The following WDPCP variants were observed in gnomAD, a reference collection of about 807,000 sequenced individuals.
The protein encoded by WDPCP is WD repeat-containing and planar cell polarity effector protein fritz homolog.
A neutral mutation model predicts 93.1 loss-of-function variants in WDPCP; 71 were observed. The observed-to-expected ratio is 0.76, with a 90% confidence interval of 0.63 to 0.93. WDPCP has a LOEUF of 0.93. Ranked by LOEUF, WDPCP falls within the 40% of genes least tolerant of loss-of-function variation. WDPCP has a pLI of 0.00. For synonymous variants in WDPCP, 315 were observed against 315.0 expected (o/e 1.00, Z 0.00); for missense variants, 844 against 887.4 (o/e 0.95, Z 0.62).
At chr2:63,679,598 G>A (rs570165054) in intron 2 of WDPCP, among the ~76,000 whole-genome samples, 68 of 152,248 alleles carry the variant, frequency 4.5e-4, no homozygotes, top group African/African-American at 1.5e-3. Flanking sequence ...TCCTTTTGAG[G>A]TGGATTTAGG....
intron 12 of WDPCP, among the ~76,000 whole-genome samples, chr2:63,337,585 G>C (rs1309535429): frequency 6.6e-6 from 1 of 152,190 alleles, no homozygotes; most frequent in African/African-American, 2.4e-5. Flanking sequence ...CCTCCATTCT[G>C]TTCTTCATAG....
At chr2:63,501,835 C>T (rs757288486) in intron 1 of WDPCP, among the ~76,000 whole-genome samples, 6 of 152,130 alleles carry the variant, frequency 3.9e-5, no homozygotes, top group Non-Finnish European at 8.8e-5. Context: ...AGGCTGGTCT[C>T]GAACTCCTGA....
At chr2:63,450,097 C>T (rs528565806) in intron 6 of WDPCP, among the ~76,000 whole-genome samples, 91 of 152,144 alleles carry the variant, frequency 6.0e-4, no homozygotes, top group Non-Finnish European at 9.9e-4. Context: ...GAGAAGTGAC[C>T]GTGCCTCAAG....
chr2:63,754,802 T>C (rs1284569222), intron 2 of WDPCP, among the ~76,000 whole-genome samples: 1 of 152,256 alleles, frequency 6.6e-6, no homozygotes, highest in Non-Finnish European at 1.5e-5. Flanking sequence ...TATCTGCTGC[T>C]GCATAACAAA....
chr2:63,439,781 G>A lies in WDPCP; in HGVS notation c.475C>T (p.Leu159Phe), dbSNP rs1377092750. ...CCATCACTGATGGTGTCTGAGATGA[G>A]CTTCCCCACCAGGCTTCTGTCAATC... is the stretch of plus-strand genomic sequence containing the variant. ...VVIDRSLVGKLISDTISDALL... is the reference protein window; with the variant it reads ...VVIDRSLVGKFISDTISDALL... Residue 159 changes from leucine to phenylalanine, a missense_variant, in exon 7 of 18, where the codon CTC (leucine) becomes TTC (phenylalanine). Transcript: ENST00000272321. The A allele has an allele frequency of 6.2e-7, 1 of 1,613,170 alleles. No homozygotes were observed. Among genetic ancestry groups the A allele is most frequent in the Non-Finnish European group, 8.5e-7 (1 of 1,179,338 alleles).
At chr2:63,603,255 A>G (rs1241485894) in intron 3 of WDPCP, among the ~76,000 whole-genome samples, 1 of 151,962 alleles carries the variant, frequency 6.6e-6, no homozygotes, top group Non-Finnish European at 1.5e-5. Flanking sequence ...CGCGCCTGGC[A>G]TATTTAACCA....
chr2:63,700,306 A>G (rs867421195), intron 2 of WDPCP, among the ~76,000 whole-genome samples: 2,441 of 145,560 alleles, frequency 0.017, 54 homozygotes, highest in African/African-American at 0.029. Context: ...AAAAAAAACA[A>G]AAAGAAAAAA....
intron 12 of WDPCP, among the ~76,000 whole-genome samples, chr2:63,359,137 A>G (rs1020148661): frequency 1.8e-4 from 26 of 148,154 alleles, no homozygotes; most frequent in African/African-American, 5.3e-4. Context: ...CCTCCCTTGT[A>G]TGTTCGTATC....
chr2:63,527,562 T>A (rs1302778363), intron 1 of WDPCP, among the ~76,000 whole-genome samples: 1 of 152,050 alleles, frequency 6.6e-6, no homozygotes, highest in Non-Finnish European at 1.5e-5. Flanking sequence ...TCCTTTTTTA[T>A]GGCTGCATAG....
chr2:63,690,619 T>C (rs1303392446), intron 2 of WDPCP, among the ~76,000 whole-genome samples: 2 of 151,826 alleles, frequency 1.3e-5, no homozygotes, highest in Non-Finnish European at 2.9e-5. Flanking sequence ...GCAGGTGTGG[T>C]GGGGGCATGC....
At chr2:63,366,868 T>A (rs1214318418) in intron 12 of WDPCP, among the ~76,000 whole-genome samples, 1 of 152,018 alleles carries the variant, frequency 6.6e-6, no homozygotes, top group Non-Finnish European at 1.5e-5. Context: ...GAAGTTCTAA[T>A]TCTAGTCTAT....
chr2:63,602,344 G>A (rs1350823221), intron 3 of WDPCP, among the ~76,000 whole-genome samples: 3 of 98,614 alleles, frequency 3.0e-5, no homozygotes, highest in African/African-American at 1.3e-4. Context: ...TTGGTTGGTT[G>A]GGGTTTTTTT....
At chr2:63,814,939 C>A (rs1031078034) in intron 1 of WDPCP, among the ~76,000 whole-genome samples, 1 of 152,172 alleles carries the variant, frequency 6.6e-6, no homozygotes, top group Admixed American at 6.5e-5. Flanking sequence ...ACAGAATAAA[C>A]TTCCAAATTT....
chr2:63,212,190 G>A (rs1424203610), intron 14 of WDPCP, among the ~76,000 whole-genome samples: 1 of 152,038 alleles, frequency 6.6e-6, no homozygotes, highest in African/African-American at 2.4e-5. Flanking sequence ...TTGAAATGAA[G>A]GAAAAAATGT....
intron 3 of WDPCP, chr2:63,622,747 G>A: frequency 1.2e-6 from 2 of 1,613,228 alleles, no homozygotes; most frequent in East Asian, 2.2e-5. Context: ...TTGCTATAGG[G>A]ATTCGGGTAC....
At chr2:63,157,281 A>G (rs887694826) in intron 15 of WDPCP, among the ~76,000 whole-genome samples, 1 of 151,842 alleles carries the variant, frequency 6.6e-6, no homozygotes, top group African/African-American at 2.4e-5. Context: ...TTTTACTTCT[A>G]TATGTATGAG....
chr2:63,230,747 G>A (rs1678791975), intron 14 of WDPCP, among the ~76,000 whole-genome samples: 1 of 152,124 alleles, frequency 6.6e-6, no homozygotes, highest in Non-Finnish European at 1.5e-5. Flanking sequence ...TTTGAGAAGT[G>A]TATGTTCATA....
At chr2:63,761,031 AAGGG>A (rs1035513999) in intron 2 of WDPCP, among the ~76,000 whole-genome samples, 2 of 152,082 alleles carry the variant, frequency 1.3e-5, no homozygotes, top group African/African-American at 4.8e-5. Context: ...CTTCTCCCTC[AAGGG>A]AGGATGAACC....
intron 6 of WDPCP, among the ~76,000 whole-genome samples, chr2:63,454,872 A>G (rs1187412553): frequency 3.3e-5 from 5 of 152,202 alleles, no homozygotes; most frequent in African/African-American, 1.2e-4. Flanking sequence ...TCTCAGCAGA[A>G]ACCTTATGGG....
Sources: allele counts gnomAD v4.1 joint callset (sites outside exome capture counted in the v4.1 genomes callset), GRCh38; gene constraint gnomAD v4.1.1; transcripts MANE v1.5; gene names NCBI Gene and HGNC (gene_info 2026-07-23, HGNC 2026-07-21).